Variants in NSMAF observed in about 807,000 individuals in gnomAD.
The protein encoded by NSMAF is protein FAN.
In NSMAF, 90 loss-of-function variants were observed where a neutral mutation model predicts 134.9. The ratio of observed to expected loss-of-function variants is 0.67; its 90% CI spans 0.56 to 0.79. The LOEUF (loss-of-function observed/expected upper bound fraction) is 0.79, where lower values mean the gene tolerates loss of function less well. Among genes scored for constraint, NSMAF ranks in the 30% least tolerant of loss-of-function variants. The probability of loss-of-function intolerance (pLI) is 0.00; values close to 1 mark genes in which losing one functional copy is unlikely to be tolerated. For missense variants in NSMAF, 1,010 were observed against 1,119.0 expected (o/e 0.90, Z 1.39); for synonymous variants, 358 against 389.6 (o/e 0.92, Z 0.96).
chr8:58,624,025 T>C (rs1226577812), intron 6 of NSMAF, among the ~76,000 whole-genome samples: 1 of 148,884 alleles, frequency 6.7e-6, no homozygotes, highest in Non-Finnish European at 1.5e-5. Flanking sequence ...CCTTAAGGTA[T>C]AGAGTTAGGA....
At chr8:58,623,850 C>G in intron 6 of NSMAF, 70 bp from the exon 7 acceptor site, 2 of 1,227,154 alleles carry the variant, frequency 1.6e-6, no homozygotes, top group Non-Finnish European at 2.4e-6. Flanking sequence ...ACTTTAAGAA[C>G]ATGTGTACAG....
At chr8:58,606,160 C>T (rs1459802822) in intron 11 of NSMAF, 125 bp from the exon 12 acceptor site, 2 of 807,072 alleles carry the variant, frequency 2.5e-6, no homozygotes, top group Non-Finnish European at 1.8e-6. Flanking sequence ...ACTTATATTC[C>T]TATTTTCAAT....
At chr8:58,655,742 C>T (rs990978288) in intron 1 of NSMAF, among the ~76,000 whole-genome samples, 2 of 151,624 alleles carry the variant, frequency 1.3e-5, no homozygotes, top group African/African-American at 2.4e-5. Flanking sequence ...TCCGTCTCTA[C>T]TAAAAATACA....
intron 2 of NSMAF, 48 bp downstream of exon 2, chr8:58,642,936 G>A: frequency 7.4e-7 from 1 of 1,342,410 alleles, no homozygotes; most frequent in Non-Finnish European, 1.1e-6. Context: ...TAAAAGTTCA[G>A]ATATCAGAAA....
Position 58,587,670 on chromosome 8 carries a change from C to G in NSMAF, c.2243G>C (p.Gly748Ala). The change falls in exon 27 of 31, where the codon GGC becomes GCC. Residue 748 changes from glycine (G) to alanine (A), a missense_variant. Coordinates refer to ENST00000038176, the MANE Select transcript of NSMAF (RefSeq NM_003580.4). ...VWSGVPAEMP[G>A]TKRHHFDLLA... The stretch of plus-strand genomic sequence containing the variant: ...CAAGTCAAAGTGGTGTCTTTTGGTG[C>G]CTGGCATCTCTGCAGGAACACCAGA... 6.2e-7 allele frequency: 1 copy of G among 1,614,138 alleles called. No individual in the cohort carries two copies. Among genetic ancestry groups the G allele is most frequent in the Non-Finnish European group, 8.5e-7 (1 of 1,179,986 alleles).
In NSMAF at chr8:58,599,800, C is replaced by G; in HGVS notation, c.1403G>C (p.Arg468Thr). 6.2e-7 allele frequency: 1 copy of G among 1,614,110 alleles called. No individual in the cohort carries two copies. Among genetic ancestry groups the G allele is most frequent in the Non-Finnish European group, 8.5e-7 (1 of 1,179,966 alleles). ...GTCGTCAACCATCTGTCCTCCTTGT[C>G]TCTTTCCCAAATCCAACTTCAGGCT... ...VNSLKLDLGKRQGGQMVDDVE... is the reference protein window; with the variant it reads ...VNSLKLDLGKTQGGQMVDDVE... The change falls in exon 18 of 31, where the codon AGA (arginine) becomes ACA (threonine). Residue 468 changes from arginine to threonine, a missense_variant. Transcript: ENST00000038176.
intron 1 of NSMAF, among the ~76,000 whole-genome samples, chr8:58,646,005 C>T (rs1807443274): frequency 6.6e-6 from 1 of 152,216 alleles, no homozygotes; most frequent in African/African-American, 2.4e-5. Context: ...CGCGCCACTG[C>T]ACTCCAGCCT....
intron 9 of NSMAF, among the ~76,000 whole-genome samples, chr8:58,621,693 G>GT (rs1184400026): frequency 4.6e-5 from 7 of 152,166 alleles, no homozygotes; most frequent in African/African-American, 1.4e-4. Context: ...GTATAAGATG[G>GT]TATCTCACCG....
At chr8:58,594,200 G>A in intron 23 of NSMAF, 32 bp downstream of exon 23, 1 of 1,601,550 alleles carries the variant, frequency 6.2e-7, no homozygotes. Flanking sequence ...CTAGGATTTT[G>A]GTTAAGCCGC....
rs1157075562 is a variant in NSMAF, at chr8:58,585,941, T to C, written c.2506A>G (p.Thr836Ala). 1 of 1,614,092 alleles carries C rather than the reference T, an allele frequency of 6.2e-7. No homozygotes were observed. Reference sequence around the variant, plus strand: ...GTCATGGAGGAGATGAGCATTCCTGTCTGCACATCAATGACATTAAGACAG... The same window carrying C: ...GTCATGGAGGAGATGAGCATTCCTGCCTGCACATCAATGACATTAAGACAG... ...DGCLNVIDVQ[T>A]GMLISSMTSD... The change falls in exon 29 of 31, where the codon ACA (threonine) becomes GCA (alanine). Residue 836 changes from threonine (T) to alanine (A), a missense_variant. Transcript: ENST00000038176.
At chr8:58,608,923 C>G (rs143857347) in intron 10 of NSMAF, among the ~76,000 whole-genome samples, 245 of 152,310 alleles carry the variant, frequency 1.6e-3, no homozygotes, top group African/African-American at 5.5e-3. Flanking sequence ...GATTTCTGTT[C>G]TTTTAATGGA....
chr8:58,590,328 T>C (rs1805993929), intron 24 of NSMAF, among the ~76,000 whole-genome samples: 1 of 152,164 alleles, frequency 6.6e-6, no homozygotes, highest in African/African-American at 2.4e-5. Flanking sequence ...TGCCCTGGGC[T>C]GGAAGAAGCC....
chr8:58,608,775 T>TA (rs1806461692), intron 10 of NSMAF, among the ~76,000 whole-genome samples: 1 of 152,204 alleles, frequency 6.6e-6, no homozygotes, highest in African/African-American at 2.4e-5. Context: ...CACTATAGCA[T>TA]AATCTTTCAC....
At chr8:58,633,249 A>C (rs558823736) in intron 5 of NSMAF, among the ~76,000 whole-genome samples, 1 of 152,046 alleles carries the variant, frequency 6.6e-6, no homozygotes, top group Admixed American at 6.5e-5. Flanking sequence ...TGACTCACGC[A>C]CCCCAGGAGC....
At position 58,643,122 on chromosome 8, in the gene NSMAF, TAAG is replaced by T. The variant is rs1005558780; in HGVS notation, c.60-52_60-50del. ...CTTTCAGTTTATTTTTTAGTAAGTATAAGAAGGCAATATATTTAAAACGTCTGA... is the reference window on the plus strand; with the variant it reads ...CTTTCAGTTTATTTTTTAGTAAGTATAAGGCAATATATTTAAAACGTCTGA... On this transcript the variant is annotated intron_variant, in intron 1 of 30. Coordinates refer to ENST00000038176, the MANE Select transcript of NSMAF (RefSeq NM_003580.4). The T allele has an allele frequency of 2.2e-6, 3 of 1,337,634 alleles. No individual in the cohort carries two copies. In the African/African-American group the frequency reaches 4.3e-5, roughly 19 times the overall value. 82.9% of individuals were successfully genotyped at this position (1,337,634 alleles called of 1,614,324 possible).
intron 1 of NSMAF, among the ~76,000 whole-genome samples, chr8:58,656,266 T>G (rs1339349689): frequency 1.3e-5 from 2 of 152,030 alleles, no homozygotes; most frequent in Admixed American, 6.5e-5. Flanking sequence ...CCTCCCAAAA[T>G]TTGGGGATTA....
intron 1 of NSMAF, 126 bp from the exon 2 acceptor site, chr8:58,643,199 T>A: frequency 1.4e-6 from 1 of 711,604 alleles, no homozygotes; most frequent in South Asian, 1.7e-5. Flanking sequence ...TTATGAAGCA[T>A]GTATATCATG....
chr8:58,589,588 G>A lies in NSMAF; in HGVS notation c.2088-13C>T. ...GGAATAAAAATAGCTAAAAGATAAT[G>A]AGAAGCATTAAAACAGTAGTCTGGC... On this transcript the variant is annotated splice_polypyrimidine_tract_variant and intron_variant, in intron 25 of 30. Coordinates refer to ENST00000038176, the MANE Select transcript of NSMAF (RefSeq NM_003580.4). 3 of 1,562,904 alleles carry A rather than the reference G, an allele frequency of 1.9e-6. No homozygotes were observed. The highest frequency in any genetic ancestry group is 1.7e-4 in the Middle Eastern group (1 of 5,942).
chr8:58,595,414 G>A (rs1806115182), intron 22 of NSMAF, 146 bp downstream of exon 22: 6 of 593,980 alleles, frequency 1.0e-5, no homozygotes, highest in Non-Finnish European at 1.8e-5. Flanking sequence ...GATCACTATA[G>A]ACATTTTGGG....
Sources: allele counts gnomAD v4.1 joint callset (sites outside exome capture counted in the v4.1 genomes callset), GRCh38; gene constraint gnomAD v4.1.1; transcripts MANE v1.5; gene names NCBI Gene and HGNC (gene_info 2026-07-23, HGNC 2026-07-21).